TAOK1: variants seen among roughly 807,000 people sequenced by gnomAD.
TAOK1 encodes TAO kinase 1, also known as serine/threonine-protein kinase TAO1.
A neutral mutation model predicts 138.3 loss-of-function variants in TAOK1; 21 were observed. That is an observed-to-expected ratio of 0.15 (90% CI 0.11 to 0.22). The LOEUF is 0.22. Ranked by LOEUF, TAOK1 falls within the 10% of genes least tolerant of loss-of-function variation. TAOK1 has a pLI of 1.00. For synonymous variants in TAOK1, 361 were observed against 398.4 expected (o/e 0.91, Z 1.12); for missense variants, 651 against 1,227.7 (o/e 0.53, Z 7.02).
chr17:29,477,612 A>G, intron 4 of TAOK1, 49 bp from the exon 5 acceptor site: 1 of 1,048,892 alleles, frequency 9.5e-7, no homozygotes, highest in Non-Finnish European at 1.2e-6. Context: ...AATTTATATT[A>G]AATCTTTATA....
rs147278957 is a variant in TAOK1 at position 29,538,578 on chromosome 17, C to T, written c.2545-3983C>T. ...TGTGATTTCTGCACTTTATGCTTGCCGGTTGTACATACATATAAGAAGGAG... is the reference window on the plus strand; with the variant it reads ...TGTGATTTCTGCACTTTATGCTTGCTGGTTGTACATACATATAAGAAGGAG... On this transcript the variant is annotated intron_variant, in intron 19 of 19. Coordinates refer to ENST00000261716, the MANE Select transcript of TAOK1 (RefSeq NM_020791.4). Among the ~76,000 whole-genome samples, 283 of 152,154 alleles carry T rather than the reference C, an allele frequency of 1.9e-3. 2 individuals carry two copies. Among genetic ancestry groups the T allele is most frequent in the African/African-American group, 6.2e-3 (256 of 41,506 alleles).
intron 12 of TAOK1, among the ~76,000 whole-genome samples, chr17:29,501,369 G>C (rs907155079): frequency 9.3e-5 from 14 of 150,838 alleles, no homozygotes; most frequent in Non-Finnish European, 1.5e-4. Flanking sequence ...GCTGCAGTTA[G>C]CCTTGATCAT....
chr17:29,399,205 G>A (rs1018252642), intron 1 of TAOK1, among the ~76,000 whole-genome samples: 2 of 151,748 alleles, frequency 1.3e-5, no homozygotes, highest in Non-Finnish European at 2.9e-5. Context: ...GTCTGGTATC[G>A]AACTCCTGAG....
chr17:29,464,625 G>A (rs1469405544), intron 2 of TAOK1, among the ~76,000 whole-genome samples: 1 of 151,918 alleles, frequency 6.6e-6, no homozygotes, highest in African/African-American at 2.4e-5. Flanking sequence ...TCAAAATCAG[G>A]GGGCTCACAG....
intron 1 of TAOK1, among the ~76,000 whole-genome samples, chr17:29,398,894 C>G (rs1197653313): frequency 6.6e-6 from 1 of 152,084 alleles, no homozygotes; most frequent in Non-Finnish European, 1.5e-5. Context: ...AAGTACTTAA[C>G]TTACTGCCTG....
intron 2 of TAOK1, among the ~76,000 whole-genome samples, chr17:29,465,942 G>C (rs1409778662): frequency 1.5e-5 from 2 of 134,524 alleles, no homozygotes; most frequent in Non-Finnish European, 3.1e-5. Context: ...ATTAGCAGTT[G>C]TTTTCAATAG....
intron 10 of TAOK1, among the ~76,000 whole-genome samples, chr17:29,492,754 T>C (rs1027287612): frequency 2.0e-5 from 3 of 152,044 alleles, no homozygotes; most frequent in Non-Finnish European, 4.4e-5. Context: ...ATTGCACCAT[T>C]GCACTCCAGC....
At chr17:29,484,115 C>T (rs559820324) in intron 8 of TAOK1, among the ~76,000 whole-genome samples, 11 of 152,268 alleles carry the variant, frequency 7.2e-5, no homozygotes, top group African/African-American at 1.9e-4. Flanking sequence ...TTGTAGTTTC[C>T]GTGAAATGGC....
intron 1 of TAOK1, among the ~76,000 whole-genome samples, chr17:29,422,313 C>G (rs1905475775): frequency 6.6e-6 from 1 of 152,128 alleles, no homozygotes; most frequent in African/African-American, 2.4e-5. Context: ...AAGCGATTCT[C>G]CTGCCTCAGC....
chr17:29,394,642 T>A (rs1904541812), intron 1 of TAOK1, among the ~76,000 whole-genome samples: 1 of 152,188 alleles, frequency 6.6e-6, no homozygotes, highest in Non-Finnish European at 1.5e-5. Context: ...AATTTTTCAT[T>A]TGTATCTCTG....
At chr17:29,428,348 G>A (rs1905714892) in intron 1 of TAOK1, among the ~76,000 whole-genome samples, 1 of 152,122 alleles carries the variant, frequency 6.6e-6, no homozygotes, top group South Asian at 2.1e-4. Flanking sequence ...CAGACAAGAG[G>A]TAACAGAGAC....
At chr17:29,522,221 CT>C in intron 16 of TAOK1, 58 bp from the exon 17 acceptor site, 1 of 1,576,064 alleles carries the variant, frequency 6.3e-7, no homozygotes, top group Admixed American at 1.8e-5. Context: ...TTAATTAGGA[CT>C]TTTTTCTGGC....
At chr17:29,420,489 T>TC (rs1055541796) in intron 1 of TAOK1, among the ~76,000 whole-genome samples, 7 of 152,130 alleles carry the variant, frequency 4.6e-5, no homozygotes, top group Non-Finnish European at 1.0e-4. Flanking sequence ...CCTTTTTTTT[T>TC]CTTCTTGCCT....
chr17:29,540,904 C>T (rs1445242903), intron 19 of TAOK1, among the ~76,000 whole-genome samples: 1 of 151,178 alleles, frequency 6.6e-6, no homozygotes, highest in Admixed American at 6.6e-5. Context: ...GAGGTTTCAC[C>T]ATCTTGGCCA....
intron 8 of TAOK1, among the ~76,000 whole-genome samples, chr17:29,488,576 A>AAAAAATAATAATAAT (rs1555564492): frequency 1.4e-4 from 20 of 145,482 alleles, no homozygotes; most frequent in Non-Finnish European, 2.6e-4. Context: ...ACATCTCAAA[A>AAAAAATAATAATAAT]AATAATAATA....
At chr17:29,433,831 A>T (rs1270768815) in intron 1 of TAOK1, among the ~76,000 whole-genome samples, 1 of 152,014 alleles carries the variant, frequency 6.6e-6, no homozygotes, top group Admixed American at 6.6e-5. Context: ...CCTCTAATCT[A>T]GCAATTGTTA....
At chr17:29,406,597 G>A (rs565400954) in intron 1 of TAOK1, among the ~76,000 whole-genome samples, 5 of 151,932 alleles carry the variant, frequency 3.3e-5, no homozygotes, top group East Asian at 1.9e-4. Flanking sequence ...GCACAATCAC[G>A]GCTCACTGTA....
chr17:29,533,902 T>C (rs2032177109), intron 18 of TAOK1, among the ~76,000 whole-genome samples: 1 of 152,000 alleles, frequency 6.6e-6, no homozygotes, highest in East Asian at 1.9e-4. Flanking sequence ...TCAGGCATCT[T>C]CCAAATAGCT....
At chr17:29,481,916 C>T (rs941184172) in intron 7 of TAOK1, among the ~76,000 whole-genome samples, 8 of 152,118 alleles carry the variant, frequency 5.3e-5, no homozygotes, top group East Asian at 1.9e-4. Context: ...GCCGAGATTG[C>T]GCCACTGCAC....
Sources: gnomAD v4.1 joint callset for allele counts (sites outside exome capture counted in the v4.1 genomes callset) on GRCh38, gnomAD v4.1.1 for gene constraint, MANE v1.5 for transcripts, NCBI Gene and HGNC (gene_info 2026-07-23, HGNC 2026-07-21) for gene names.